FBXL18: variants seen among roughly 807,000 people sequenced by gnomAD.
FBXL18 encodes F-box/LRR-repeat protein 18.
Under a neutral mutation model 46.0 loss-of-function variants are expected in FBXL18, and 36 were observed. That is an observed-to-expected ratio of 0.78 (90% CI 0.60 to 1.03). FBXL18 has a LOEUF of 1.03. Among genes scored for constraint, FBXL18 ranks in the 50% least tolerant of loss-of-function variants. FBXL18 has a pLI of 0.00. For synonymous variants in FBXL18, 557 were observed against 465.3 expected, an observed-to-expected ratio of 1.20 and a Z score of -2.54; for missense variants, 977 against 1,004.1, an observed-to-expected ratio of 0.97 and a Z score of 0.36.
chr7:5,486,148 G>T (rs374974853), intron 4 of FBXL18, among the ~76,000 whole-genome samples: 1 of 151,504 alleles, frequency 6.6e-6, no homozygotes, highest in Admixed American at 6.6e-5. Flanking sequence ...CAGCTACTCG[G>T]GAGGCTGAGG....
At chr7:5,474,856 C>T (rs748356167), downstream of FBXL18, among the ~76,000 whole-genome samples, 11 of 150,558 alleles carry the variant, frequency 7.3e-5, no homozygotes, top group East Asian at 2.0e-4. Context: ...TACAGGCGCC[C>T]GCCACCACGC....
intron 3 of FBXL18, among the ~76,000 whole-genome samples, chr7:5,493,864 T>A (rs1784000051): frequency 6.6e-6 from 1 of 151,904 alleles, no homozygotes; most frequent in South Asian, 2.1e-4. Context: ...CCAGGTGCGG[T>A]GGCTCACGTC....
chr7:5,493,419 C>T (rs1434976484), intron 3 of FBXL18, among the ~76,000 whole-genome samples: 4 of 151,992 alleles, frequency 2.6e-5, no homozygotes, highest in African/African-American at 9.7e-5. Flanking sequence ...CCTCAGCCTC[C>T]CGAGTAGCTG....
intron 3 of FBXL18, among the ~76,000 whole-genome samples, chr7:5,497,636 C>T (rs1784117555): frequency 6.6e-6 from 1 of 152,206 alleles, no homozygotes; most frequent in Non-Finnish European, 1.5e-5. Context: ...CCACTTCCTG[C>T]CATGCCTTCT....
At chr7:5,493,390 G>C (rs1407768792) in intron 3 of FBXL18, among the ~76,000 whole-genome samples, 2 of 152,056 alleles carry the variant, frequency 1.3e-5, no homozygotes, top group Admixed American at 6.5e-5. Flanking sequence ...CAAGCTCCCG[G>C]GTTCACGCCA....
At chr7:5,464,671 A>AAG (rs11420281) in intron 4 of FBXL18, among the ~76,000 whole-genome samples, 3,460 of 138,532 alleles carry the variant, frequency 0.025, 245 homozygotes, top group African/African-American at 0.09. Context: ...CTCAAAAAAA[A>AAG]AAAAAAAAAA....
rs1026988623 is a variant in FBXL18 at position 5,501,694 on chromosome 7, G to A, written c.575C>T (p.Thr192Ile). Reference sequence around the variant, plus strand: ...GTAGAGCAGCAGCTTCTCTAGGCTGGTGCAGCAGGGCACCACGCCGTAGGA... The same window carrying A: ...GTAGAGCAGCAGCTTCTCTAGGCTGATGCAGCAGGGCACCACGCCGTAGGA... Reference protein sequence around the residue: ...TPSYGVVPCCTSLEKLLLYFE... With the variant: ...TPSYGVVPCCISLEKLLLYFE... The change falls in exon 3 of 5, where the codon ACC (threonine) becomes ATC (isoleucine). Residue 192 changes from threonine to isoleucine, a missense_variant. Transcript: ENST00000382368. The A allele has an allele frequency of 1.9e-6, 3 of 1,602,654 alleles. No homozygotes were observed. Among genetic ancestry groups the A allele is most frequent in the Non-Finnish European group, 1.7e-6 (2 of 1,174,278 alleles).
chr7:5,462,182 C>T (rs926259450), intron 4 of FBXL18, among the ~76,000 whole-genome samples: 1 of 152,090 alleles, frequency 6.6e-6, no homozygotes, highest in South Asian at 2.1e-4. Flanking sequence ...GACCCAAGAT[C>T]GCACCACTGC....
chr7:5,461,476 C>G (rs140114189), intron 4 of FBXL18, among the ~76,000 whole-genome samples: 61 of 152,284 alleles, frequency 4.0e-4, no homozygotes, highest in African/African-American at 1.4e-3. Context: ...TTACAAGACG[C>G]CATCCCTACA....
chr7:5,492,678 G>C lies in FBXL18; in HGVS notation c.1782-1229C>G, dbSNP rs552631989. ...GCATGATGGGGACTCTAAATCTAAT[G>C]ACTGGTTCCTTATAAGGCCAGGTGA... On this transcript the variant is annotated intron_variant, in intron 3 of 4. Transcript: ENST00000382368. Among the ~76,000 whole-genome samples the C allele has an allele frequency of 3.9e-5, 6 of 152,236 alleles. No homozygotes were observed. In the East Asian group the frequency reaches 1.2e-3, roughly 29 times the overall value.
chr7:5,510,292 G>C (rs1308514120), intron 1 of FBXL18, among the ~76,000 whole-genome samples: 2 of 114,566 alleles, frequency 1.7e-5, no homozygotes, highest in Admixed American at 1.2e-4. Flanking sequence ...GAAAGAGTAA[G>C]ACTCTGTCTC....
chr7:5,498,237 A>G (rs962467703), intron 3 of FBXL18, among the ~76,000 whole-genome samples: 9 of 151,300 alleles, frequency 5.9e-5, no homozygotes, highest in South Asian at 4.2e-4. Flanking sequence ...ACAGGCGCCC[A>G]CCACCACGCC....
intron 4 of FBXL18, among the ~76,000 whole-genome samples, chr7:5,458,763 A>C (rs1350782613): frequency 1.3e-5 from 2 of 152,082 alleles, no homozygotes; most frequent in African/African-American, 4.8e-5. Flanking sequence ...TTGGAGGCTG[A>C]GGCATGAGAA....
At chr7:5,487,025 G>C (rs1160353564) in intron 4 of FBXL18, among the ~76,000 whole-genome samples, 3 of 152,402 alleles carry the variant, frequency 2.0e-5, no homozygotes, top group African/African-American at 7.2e-5. Flanking sequence ...CGCAAAGCAG[G>C]GGGCGGGGCC....
chr7:5,501,755 G>A lies in FBXL18; in HGVS notation c.514C>T (p.Arg172Cys), dbSNP rs1784268509. 2 of 1,558,130 alleles carry A rather than the reference G, an allele frequency of 1.3e-6. No homozygotes were observed. The highest frequency in any genetic ancestry group is 1.4e-5 in the African/African-American group (1 of 73,734). The part of the protein sequence containing the change: ...LSSECKATLS[R>C]VRELKQTLFT... ...AGCGTCTGCTTGAGCTCCCGCACGC[G>A]GCTCAGGGTGGCCTTGCACTCGCTG... The change falls in exon 3 of 5, where the codon CGC becomes TGC. Residue 172 changes from arginine (R) to cysteine (C), a missense_variant. Physicochemically the swap from Arg to Cys is radical, Grantham distance 180 (BLOSUM62 -3). Coordinates refer to ENST00000382368, the MANE Select transcript of FBXL18 (RefSeq NM_024963.6).
chr7:5,493,119 G>A (rs900965299), intron 3 of FBXL18, among the ~76,000 whole-genome samples: 2 of 152,156 alleles, frequency 1.3e-5, no homozygotes, highest in Admixed American at 1.3e-4. Context: ...AGGATCACTT[G>A]AGCCCAGGAG....
chr7:5,499,826 G>C (rs748068882), intron 3 of FBXL18, among the ~76,000 whole-genome samples: 1 of 151,662 alleles, frequency 6.6e-6, no homozygotes, highest in African/African-American at 2.4e-5. Context: ...TTGGGAGGCC[G>C]AGATGGAGGA....
chr7:5,490,022 CA>C lies in FBXL18; in HGVS notation c.2000+1208del, dbSNP rs763385006. 4 of 1,315,636 alleles carry C rather than the reference CA, an allele frequency of 3.0e-6. No individual in the cohort carries two copies. The Admixed American group carries it at 6.7e-5, about 22-fold the overall frequency. The allele number at this position is 1,315,636 out of a possible 1,614,324, so 81.5% of individuals were successfully genotyped here. A position where few individuals can be genotyped will look rare whatever the true frequency, so the allele number is the denominator to read the frequency against. ...ACTCTATAAACACAAGTTGTTTTTA[CA>C]ACCAGAGAGGGGGAAACCCCAACCA... On this transcript the variant is annotated intron_variant, in intron 4 of 4. Transcript: ENST00000382368.
At chr7:5,498,080 C>CTTT (rs767982897) in intron 3 of FBXL18, among the ~76,000 whole-genome samples, 9 of 139,026 alleles carry the variant, frequency 6.5e-5, no homozygotes, top group Non-Finnish European at 9.4e-5. Flanking sequence ...TTTCTTTTTA[C>CTTT]TTTTTTTTTT....
Sources: gnomAD v4.1 joint callset for allele counts (sites outside exome capture counted in the v4.1 genomes callset) on GRCh38, gnomAD v4.1.1 for gene constraint, MANE v1.5 for transcripts, NCBI Gene and HGNC (gene_info 2026-07-23, HGNC 2026-07-21) for gene names.